The following CHCHD6 variants were observed in gnomAD, a reference collection of about 807,000 sequenced individuals.
The protein encoded by CHCHD6 is MICOS complex subunit MIC25.
CHCHD6 carries 28 observed loss-of-function variants against 32.3 expected under a neutral mutation model. That is an observed-to-expected ratio of 0.87 (90% CI 0.64 to 1.19). CHCHD6 has a LOEUF of 1.19. CHCHD6 is among the 50% of genes most tolerant of loss of function. The probability of loss-of-function intolerance (pLI) is 0.00; values close to 1 mark genes in which losing one functional copy is unlikely to be tolerated. For missense variants in CHCHD6, 333 were observed against 307.0 expected, an observed-to-expected ratio of 1.08 and a Z score of -0.63; for synonymous variants, 122 against 117.5, an observed-to-expected ratio of 1.04 and a Z score of -0.25.
At chr3:126,822,675 CT>C (rs1940201149) in intron 4 of CHCHD6, among the ~76,000 whole-genome samples, 1 of 152,118 alleles carries the variant, frequency 6.6e-6, no homozygotes, top group African/African-American at 2.4e-5. Flanking sequence ...TCATTTAGGT[CT>C]CTGATCACTG....
rs534836359 is a variant in CHCHD6 at position 126,828,725 on chromosome 3, C to T, written c.412-23922C>T. ...ACATTTTAAGTGTTTATTCCAGTAC[C>T]CCTTCAGTCCAGGGTCTACCTGCCT... On this transcript the variant is annotated intron_variant, in intron 4 of 7. Coordinates refer to ENST00000290913, the MANE Select transcript of CHCHD6 (RefSeq NM_032343.3). Among the ~76,000 whole-genome samples the T allele has an allele frequency of 6.6e-5, 10 of 152,248 alleles. No individual in the cohort carries two copies. The South Asian group carries it at 1.9e-3, about 28-fold the overall frequency.
chr3:126,894,031 G>A (rs2077802733), intron 5 of CHCHD6, among the ~76,000 whole-genome samples: 1 of 152,258 alleles, frequency 6.6e-6, no homozygotes, highest in Non-Finnish European at 1.5e-5. Flanking sequence ...CAGTTAGGAA[G>A]CTGCACTTGG....
intron 4 of CHCHD6, among the ~76,000 whole-genome samples, chr3:126,772,096 T>C (rs1937552682): frequency 6.6e-6 from 1 of 152,160 alleles, no homozygotes; most frequent in South Asian, 2.1e-4. Flanking sequence ...AATGTTAGTC[T>C]CTTCATAGGT....
At chr3:126,896,743 A>G (rs188556195) in intron 5 of CHCHD6, among the ~76,000 whole-genome samples, 102 of 152,226 alleles carry the variant, frequency 6.7e-4, no homozygotes, top group African/African-American at 1.9e-3. Flanking sequence ...CTAGATGTCA[A>G]CCTCTGGAGG....
In CHCHD6 at chr3:126,807,900, A is replaced by C. The variant is rs769376660; in HGVS notation, c.412-44747A>C. 2.0e-5 allele frequency among the ~76,000 whole-genome samples: 3 copies of C among 152,306 alleles called. No individual in the cohort carries two copies. The East Asian group carries it at 5.8e-4, about 29-fold the overall frequency. On this transcript the variant is annotated intron_variant, in intron 4 of 7. Coordinates refer to ENST00000290913, the MANE Select transcript of CHCHD6 (RefSeq NM_032343.3). ...TGCAGTGACCCATCTTTGCCATTGT[A>C]GCACAAGAGCAGCCATAGTCAATAT...
intron 5 of CHCHD6, among the ~76,000 whole-genome samples, chr3:126,904,704 C>T (rs1365173868): frequency 6.6e-6 from 1 of 152,198 alleles, no homozygotes; most frequent in Non-Finnish European, 1.5e-5. Context: ...CCCATCATGG[C>T]ACTAACAGAG....
chr3:126,738,289 A>G lies in CHCHD6; in HGVS notation c.411+5067A>G, dbSNP rs944736695. ...ACAGATACAGAGGGCTCACTGTACT[A>G]TGTCGTTTTATGTAAGAGGCTTGAG... On this transcript the variant is annotated intron_variant, in intron 4 of 7. Transcript: ENST00000290913. 5.3e-5 allele frequency among the ~76,000 whole-genome samples: 8 copies of G among 152,272 alleles called. No individual in the cohort carries two copies. The South Asian group carries it at 1.0e-3, about 20-fold the overall frequency.
chr3:126,779,566 T>C (rs1183940293), intron 4 of CHCHD6, among the ~76,000 whole-genome samples: 2 of 150,232 alleles, frequency 1.3e-5, no homozygotes, highest in African/African-American at 4.9e-5. Context: ...AAGAATTTTA[T>C]AGTTTTAGCT....
At chr3:126,727,384 C>T (rs1014690470) in intron 2 of CHCHD6, among the ~76,000 whole-genome samples, 198 bp downstream of exon 2, 1 of 152,190 alleles carries the variant, frequency 6.6e-6, no homozygotes, top group African/African-American at 2.4e-5. Flanking sequence ...TGCCGGGATT[C>T]GGGTCGGACC....
chr3:126,737,276 G>A (rs183804461), intron 4 of CHCHD6, among the ~76,000 whole-genome samples: 4 of 151,876 alleles, frequency 2.6e-5, no homozygotes, highest in Admixed American at 2.6e-4. Context: ...GCTGAATCGC[G>A]CCATTGCACT....
chr3:126,775,619 C>T lies in CHCHD6; in HGVS notation c.411+42397C>T, dbSNP rs73201784. Among the ~76,000 whole-genome samples, 1,168 of 152,266 alleles carry T rather than the reference C, an allele frequency of 7.7e-3. 9 individuals carry two copies. The highest frequency in any genetic ancestry group is 0.012 in the Non-Finnish European group (846 of 68,012). ...TAGCAACCGCAAGCAGCAGCTACCACCAGCTGTAGGGCTGAAGAATCAAAG... is the reference window on the plus strand; with the variant it reads ...TAGCAACCGCAAGCAGCAGCTACCATCAGCTGTAGGGCTGAAGAATCAAAG... On this transcript the variant is annotated intron_variant, in intron 4 of 7. Transcript: ENST00000290913.
chr3:126,914,570 G>A (rs1185787862), intron 5 of CHCHD6, 110 bp from the exon 6 acceptor site: 3 of 739,310 alleles, frequency 4.1e-6, no homozygotes, highest in South Asian at 1.5e-5. Context: ...AGTCGGCTTT[G>A]ATGCCCGTCA....
chr3:126,728,316 C>G (rs1003379382), intron 2 of CHCHD6, among the ~76,000 whole-genome samples: 2 of 152,182 alleles, frequency 1.3e-5, no homozygotes, highest in African/African-American at 4.8e-5. Context: ...CTGTACCAGG[C>G]TCACGGGAGA....
chr3:126,741,611 G>A lies in CHCHD6; in HGVS notation c.411+8389G>A, dbSNP rs112399353. Reference sequence around the variant, plus strand: ...ACTTCCACACCTGGCTGTGCATCTGGATCACCTGGGAACTTGTTAAAAATG... The same window carrying A: ...ACTTCCACACCTGGCTGTGCATCTGAATCACCTGGGAACTTGTTAAAAATG... On this transcript the variant is annotated intron_variant, in intron 4 of 7. Transcript: ENST00000290913. Among the ~76,000 whole-genome samples, 325 of 152,284 alleles carry A rather than the reference G, an allele frequency of 2.1e-3. 3 individuals carry two copies. The highest frequency in any genetic ancestry group is 5.0e-3 in the Admixed American group (76 of 15,298).
chr3:126,741,374 A>T (rs547659706), intron 4 of CHCHD6, among the ~76,000 whole-genome samples: 1 of 152,074 alleles, frequency 6.6e-6, no homozygotes, highest in Admixed American at 6.5e-5. Flanking sequence ...TGGAGTCAAG[A>T]AACAAGTGAG....
intron 6 of CHCHD6, 105 bp downstream of exon 6, chr3:126,914,855 A>G (rs1026048796): frequency 2.8e-6 from 2 of 714,812 alleles, no homozygotes; most frequent in African/African-American, 3.5e-5. Context: ...AGTTTCCCTA[A>G]TAATACACAC....
At chr3:126,955,280 C>T (rs1173382027) in intron 6 of CHCHD6, among the ~76,000 whole-genome samples, 5 of 152,372 alleles carry the variant, frequency 3.3e-5, no homozygotes, top group East Asian at 1.9e-4. Context: ...CGGCAGCTGA[C>T]GCAGGCCAGT....
chr3:126,898,465 G>T (rs1005780865), intron 5 of CHCHD6, among the ~76,000 whole-genome samples: 2 of 152,196 alleles, frequency 1.3e-5, no homozygotes, highest in Non-Finnish European at 2.9e-5. Context: ...TGTTTGGAAT[G>T]ATAGAGATAT....
At chr3:126,845,325 T>A (rs184020238) in intron 4 of CHCHD6, among the ~76,000 whole-genome samples, 7 of 152,360 alleles carry the variant, frequency 4.6e-5, no homozygotes, top group Admixed American at 3.9e-4. Flanking sequence ...CTCTATTGAC[T>A]ATTTGTGCTT....
Sources: gnomAD v4.1 joint callset for allele counts (sites outside exome capture counted in the v4.1 genomes callset) on GRCh38, gnomAD v4.1.1 for gene constraint, MANE v1.5 for transcripts, NCBI Gene and HGNC (gene_info 2026-07-23, HGNC 2026-07-21) for gene names.